ANKS1B: variants seen among roughly 807,000 people sequenced by gnomAD.
The protein encoded by ANKS1B is ankyrin repeat and sterile alpha motif domain-containing protein 1B.
Under a neutral mutation model 148.3 loss-of-function variants are expected in ANKS1B, and 36 were observed. The ratio of observed to expected loss-of-function variants is 0.24; its 90% confidence interval spans 0.19 to 0.32. The LOEUF (loss-of-function observed/expected upper bound fraction) is 0.32. Among genes scored for constraint, ANKS1B ranks in the 10% least tolerant of loss-of-function variants. The pLI, the probability that ANKS1B is intolerant of heterozygous loss-of-function variation, is 1.00. For missense variants in ANKS1B, 1,157 were observed against 1,542.6 expected (o/e 0.75, Z 4.19); for synonymous variants, 542 against 560.8 (o/e 0.97, Z 0.47).
At chr12:99,112,131 G>A (rs1038623353) in intron 15 of ANKS1B, among the ~76,000 whole-genome samples, 8 of 152,006 alleles carry the variant, frequency 5.3e-5, no homozygotes, top group Admixed American at 2.0e-4. Context: ...GTAAAGGCCC[G>A]TGCAATGTGC....
At chr12:99,919,306 G>GA (rs1565997954) in intron 1 of ANKS1B, among the ~76,000 whole-genome samples, 1 of 151,914 alleles carries the variant, frequency 6.6e-6, no homozygotes, top group Non-Finnish European at 1.5e-5. Context: ...ATAGAATGTG[G>GA]AAGAAAAAAA....
intron 9 of ANKS1B, among the ~76,000 whole-genome samples, chr12:99,586,769 A>G (rs1461106075): frequency 6.6e-6 from 1 of 152,132 alleles, no homozygotes; most frequent in African/African-American, 2.4e-5. Context: ...GGGCAAAGTC[A>G]TGTCTTACGT....
downstream of ANKS1B, among the ~76,000 whole-genome samples, chr12:98,743,530 C>T (rs1029678617): frequency 5.9e-5 from 9 of 151,336 alleles, 1 homozygote; most frequent in African/African-American, 1.2e-4. Flanking sequence ...ATGCATGGGC[C>T]GCCTCTCATC....
Position 99,883,433 on chromosome 12 carries a change from A to G in ANKS1B, c.135-58044T>C, listed in dbSNP as rs558885954. Among the ~76,000 whole-genome samples the G allele has an allele frequency of 5.3e-5, 8 of 152,350 alleles. No homozygotes were observed. The South Asian group carries it at 8.3e-4, about 16-fold the overall frequency. On this transcript the variant is annotated intron_variant, in intron 1 of 26. Coordinates refer to ENST00000683438, the MANE Select transcript of ANKS1B (RefSeq NM_001352186.2). Reference sequence around the variant, plus strand: ...ACATAAAACATAAAACTAATTTAAAACATCAAATATAGTTTTTTGAGTAAT... The same window carrying G: ...ACATAAAACATAAAACTAATTTAAAGCATCAAATATAGTTTTTTGAGTAAT...
chr12:98,764,302 C>T lies in ANKS1B; in HGVS notation c.3579+8740G>A, dbSNP rs148390809. ...AGTGCAGTGGCACGATCTCAGCTCA[C>T]TGCAACCTTCGCCTCCTGGGTTCAA... is the stretch of plus-strand genomic sequence containing the variant. On this transcript the variant is annotated intron_variant, in intron 25 of 26. Coordinates refer to ENST00000683438, the MANE Select transcript of ANKS1B (RefSeq NM_001352186.2). 6.4e-3 allele frequency among the ~76,000 whole-genome samples: 977 copies of T among 152,322 alleles called. 10 individuals carry two copies. The highest frequency in any genetic ancestry group is 0.022 in the African/African-American group (932 of 41,566).
At chr12:99,968,477 G>A (rs1453370816) in intron 1 of ANKS1B, among the ~76,000 whole-genome samples, 5 of 152,298 alleles carry the variant, frequency 3.3e-5, no homozygotes, top group South Asian at 2.1e-4. Context: ...AGAATGGCGT[G>A]AACCCTGGAG....
intron 9 of ANKS1B, among the ~76,000 whole-genome samples, chr12:99,637,976 G>T (rs2098258332): frequency 6.6e-6 from 1 of 151,836 alleles, no homozygotes; most frequent in African/African-American, 2.4e-5. Context: ...TCACGGGGAT[G>T]GTTACCCCCA....
chr12:99,128,432 CT>C (rs1366291850), intron 15 of ANKS1B, among the ~76,000 whole-genome samples: 3 of 152,130 alleles, frequency 2.0e-5, no homozygotes, highest in Non-Finnish European at 2.9e-5. Flanking sequence ...CTGAATCAGA[CT>C]ATCAGGCAGT....
chr12:99,977,553 G>T (rs1248480625), intron 1 of ANKS1B, among the ~76,000 whole-genome samples: 1 of 152,108 alleles, frequency 6.6e-6, no homozygotes, highest in Non-Finnish European at 1.5e-5. Flanking sequence ...TTATCCTTTG[G>T]TCATATTTTT....
intron 9 of ANKS1B, among the ~76,000 whole-genome samples, chr12:99,627,100 G>A (rs2098118150): frequency 6.6e-6 from 1 of 152,148 alleles, no homozygotes; most frequent in African/African-American, 2.4e-5. Context: ...CAGACTCAAA[G>A]CAAGAAATAG....
chr12:98,736,853 CCTAT>C (rs965567419), intron 9 of ANKS1B, among the ~76,000 whole-genome samples: 16 of 152,226 alleles, frequency 1.1e-4, no homozygotes, highest in African/African-American at 3.4e-4. Flanking sequence ...CATTCACCCA[CCTAT>C]CTATCCTGTA....
At chr12:99,916,157 G>C (rs2094163876) in intron 1 of ANKS1B, among the ~76,000 whole-genome samples, 2 of 152,156 alleles carry the variant, frequency 1.3e-5, no homozygotes, top group African/African-American at 4.8e-5. Flanking sequence ...CTGGATCTAA[G>C]GCAGTTCTCA....
chr12:99,713,197 C>T (rs903236701), intron 8 of ANKS1B, among the ~76,000 whole-genome samples: 2 of 152,156 alleles, frequency 1.3e-5, no homozygotes, highest in African/African-American at 4.8e-5. Flanking sequence ...ATCCATGAGT[C>T]ATATACTTAA....
chr12:99,825,152 C>T (rs2083027117), intron 2 of ANKS1B, among the ~76,000 whole-genome samples, 157 bp downstream of exon 2: 1 of 152,202 alleles, frequency 6.6e-6, no homozygotes, highest in South Asian at 2.1e-4. Flanking sequence ...AACATTCCTA[C>T]CAAGTCTAAC....
intron 9 of ANKS1B, among the ~76,000 whole-genome samples, chr12:99,584,845 G>A (rs1229957761): frequency 2.6e-5 from 4 of 152,012 alleles, no homozygotes; most frequent in Non-Finnish European, 5.9e-5. Flanking sequence ...GAATGGCACA[G>A]GAAAAACCTG....
chr12:99,244,390 C>T lies in ANKS1B; in HGVS notation c.2371G>A (p.Asp791Asn). Residue 791 changes from aspartate to asparagine, a missense_variant, in exon 14 of 27, where the codon GAT becomes AAT. Physicochemically the swap from Asp to Asn is conservative, Grantham distance 23. Coordinates refer to ENST00000683438, the MANE Select transcript of ANKS1B (RefSeq NM_001352186.2). ...TTAAGTTCGTTGTTGATTCCAACAT[C>T]TATGGAACTCATTATTTTGTCAATC... ...EEIDKIMSSIDVGINNELKEM... is the reference protein window; with the variant it reads ...EEIDKIMSSINVGINNELKEM... The T allele has an allele frequency of 6.2e-7, 1 of 1,605,692 alleles. No individual in the cohort carries two copies. Among genetic ancestry groups the T allele is most frequent in the Non-Finnish European group, 8.5e-7 (1 of 1,176,954 alleles).
intron 2 of ANKS1B, among the ~76,000 whole-genome samples, chr12:99,819,420 T>C (rs2082247222): frequency 6.6e-6 from 1 of 151,790 alleles, no homozygotes; most frequent in African/African-American, 2.4e-5. Flanking sequence ...TATGCCTCTT[T>C]TATTAGAAAA....
At chr12:99,356,224 C>A (rs1376010179) in intron 12 of ANKS1B, among the ~76,000 whole-genome samples, 1 of 152,130 alleles carries the variant, frequency 6.6e-6, no homozygotes, top group Non-Finnish European at 1.5e-5. Flanking sequence ...ACAGCCATGG[C>A]TTGTGGAATG....
chr12:99,846,246 T>C (rs1836688609), intron 1 of ANKS1B, among the ~76,000 whole-genome samples: 1 of 152,150 alleles, frequency 6.6e-6, no homozygotes, highest in Admixed American at 6.5e-5. Flanking sequence ...TTGTATGTAA[T>C]GTTTTTATTC....
Sources: gnomAD v4.1 joint callset for allele counts (sites outside exome capture counted in the v4.1 genomes callset) on GRCh38, gnomAD v4.1.1 for gene constraint, MANE v1.5 for transcripts, NCBI Gene and HGNC (gene_info 2026-07-23, HGNC 2026-07-21) for gene names.